The following ITGB4 variants were observed in gnomAD, a reference collection of about 807,000 sequenced individuals.
ITGB4 encodes the protein integrin beta-4.
Under a neutral mutation model 207.6 loss-of-function variants are expected in ITGB4, and 159 were observed. The ratio of observed to expected loss-of-function variants is 0.77; its 90% CI spans 0.67 to 0.87. The LOEUF is 0.87. ITGB4 is among the 40% of genes least tolerant of loss of function. The pLI, the probability that ITGB4 is intolerant of heterozygous loss-of-function variation, is 0.00. For synonymous variants in ITGB4, 1,020 were observed against 1,062.7 expected, an observed-to-expected ratio of 0.96 and a Z score of 0.78; for missense variants, 2,278 against 2,546.8, an observed-to-expected ratio of 0.89 and a Z score of 2.27.
In ITGB4 at chr17:75,740,423, CG is replaced by C; in HGVS notation, c.2515del (p.Glu839SerfsTer13). The C allele has an allele frequency of 6.2e-7, 1 of 1,613,842 alleles. No homozygotes were observed. Among genetic ancestry groups the C allele is most frequent in the South Asian group, 1.1e-5 (1 of 91,056 alleles). On this transcript the variant is annotated frameshift_variant, in exon 21 of 40. Transcript: ENST00000200181. LOFTEE classifies it high-confidence loss of function. This position sits in a 1 kb window ranked among gnomAD's most constrained non-coding sequence, Gnocchi z 5.9. ...CGAGAACCTGCTGAAGCCTGACACTCGGGAGTGCGCCCAGCTGCGCCAGGAG... is the reference window on the plus strand; with the variant it reads ...CGAGAACCTGCTGAAGCCTGACACTCGGAGTGCGCCCAGCTGCGCCAGGAG... ...CTENLLKPDT[R>X]ECAQLRQEVE...
chr17:75,757,381 C>T (rs775578641), intron 39 of ITGB4, 35 bp from the exon 40 acceptor site: 91 of 1,612,888 alleles, frequency 5.6e-5, no homozygotes, highest in Non-Finnish European at 6.8e-5. Context: ...AGGGCAGACC[C>T]CAAGCCAGGT....
Position 75,737,518 on chromosome 17 carries a change from C to T in ITGB4, c.2114-20C>T, listed in dbSNP as rs973024764. 7.1e-5 allele frequency: 110 copies of T among 1,559,018 alleles called. 3 individuals are homozygous for T. In the South Asian group the frequency reaches 9.7e-4, roughly 14 times the overall value. On this transcript the variant is annotated intron_variant, in intron 17 of 39. Transcript: ENST00000200181. ...GGTGGGGAGGACAGGCACCACCTCC[C>T]CCTGCCTCCTCCTCTCCAGACTGCC...
In ITGB4 at chr17:75,733,825, C is replaced by G; in HGVS notation, c.1657+133C>G. ...TCCCCAAGTTCAGGCCCAGCCCACTCTGGATGCCCTGAGGGCCGCCCCTGA... is the reference window on the plus strand; with the variant it reads ...TCCCCAAGTTCAGGCCCAGCCCACTGTGGATGCCCTGAGGGCCGCCCCTGA... On this transcript the variant is annotated intron_variant, in intron 13 of 39. Coordinates refer to ENST00000200181, the MANE Select transcript of ITGB4 (RefSeq NM_000213.5). 5 of 1,032,674 alleles carry G rather than the reference C, an allele frequency of 4.8e-6. No homozygotes were observed. The African/African-American group carries it at 6.3e-5, about 13-fold the overall frequency. The allele number at this position is 1,032,674 out of a possible 1,614,324, so 64.0% of individuals were successfully genotyped here.
At position 75,732,355 on chromosome 17, in the gene ITGB4, G is replaced by A. The variant is rs1174517329; in HGVS notation, c.1454+116G>A. On this transcript the variant is annotated intron_variant, in intron 12 of 39. Transcript: ENST00000200181. The surrounding 1 kb of genome is among the most constrained non-coding windows in gnomAD (Gnocchi z 5.3). ...TTGTACACCTGGCTGGGGGTGGGGC[G>A]GCAATCAAAGAAACGGCTAAGGGCG... The A allele has an allele frequency of 7.0e-6, 7 of 1,005,484 alleles. No homozygotes were observed. Among genetic ancestry groups the A allele is most frequent in the East Asian group, 2.4e-5 (1 of 40,954 alleles). The allele number at this position is 1,005,484 out of a possible 1,614,324, so 62.3% of individuals were successfully genotyped here.
At position 75,730,461 on chromosome 17, in the gene ITGB4, TC is replaced by T; in HGVS notation, c.963del (p.Ile322SerfsTer54). ...LVRLLAKHNI[I>X]PIFAVTNYSY... ...CGCCTGCTCGCCAAGCACAACATCA[TC>T]CCCATCTTTGCTGTCACCAACTACT... On this transcript the variant is annotated frameshift_variant, in exon 8 of 40. Coordinates refer to ENST00000200181, the MANE Select transcript of ITGB4 (RefSeq NM_000213.5). LOFTEE classifies it high-confidence loss of function. The T allele has an allele frequency of 6.2e-7, 1 of 1,613,892 alleles. No homozygotes were observed. Among genetic ancestry groups the T allele is most frequent in the Non-Finnish European group, 8.5e-7 (1 of 1,180,010 alleles).
intron 39 of ITGB4, 32 bp from the exon 40 acceptor site, chr17:75,757,384 A>G: frequency 1.9e-6 from 3 of 1,612,996 alleles, no homozygotes; most frequent in Non-Finnish European, 2.5e-6. Context: ...GCAGACCCCA[A>G]GCCAGGTCAT....
intron 23 of ITGB4, among the ~76,000 whole-genome samples, chr17:75,741,563 T>C (rs1253857734): frequency 6.6e-6 from 1 of 152,064 alleles, no homozygotes. Flanking sequence ...CCCAGCACTT[T>C]GGGAGGCTGA....
chr17:75,729,195 G>C lies in ITGB4; in HGVS notation c.567-70G>C. ...AAAAAATTCTCCTTCTAGTTGAAAC[G>C]AGCCAGGGGCACTGGGGTCTGCGGC... On this transcript the variant is annotated intron_variant, in intron 6 of 39. Transcript: ENST00000200181. The surrounding 1 kb of genome is among the most constrained non-coding windows in gnomAD (Gnocchi z 4.4). 1 of 1,402,058 alleles carries C rather than the reference G, an allele frequency of 7.1e-7. No homozygotes were observed. The highest frequency in any genetic ancestry group is 9.9e-7 in the Non-Finnish European group (1 of 1,014,872). The allele number at this position is 1,402,058 out of a possible 1,614,324, so 86.9% of individuals were successfully genotyped here.
rs1244895385 is a variant in ITGB4, at chr17:75,727,213, C to T, written c.98C>T (p.Ala33Val). ...CCCCCAGCAAACCGCTGCAAGAAGGCCCCAGTGAAGAGCTGCACGGAGTGT... is the reference window on the plus strand; with the variant it reads ...CCCCCAGCAAACCGCTGCAAGAAGGTCCCAGTGAAGAGCTGCACGGAGTGT... ...SGTLANRCKK[A>V]PVKSCTECVR... The change falls in exon 3 of 40, where the codon GCC (alanine) becomes GTC (valine). Residue 33 changes from alanine (A) to valine (V), a missense_variant. By Grantham distance (64) the Ala-to-Val change is moderately conservative. Transcript: ENST00000200181. The surrounding 1 kb of genome is among the most constrained non-coding windows in gnomAD (Gnocchi z 6.0). 4 of 1,614,050 alleles carry T rather than the reference C, an allele frequency of 2.5e-6. No individual in the cohort carries two copies. Among genetic ancestry groups the T allele is most frequent in the Non-Finnish European group, 3.4e-6 (4 of 1,179,970 alleles).
intron 23 of ITGB4, chr17:75,741,212 G>A: frequency 1.5e-6 from 1 of 668,102 alleles, no homozygotes; most frequent in Admixed American, 2.2e-5. Context: ...GTGGCCCCTG[G>A]ACTAGAGCAG....
rs1027627199 is a variant in ITGB4 at position 75,743,936 on chromosome 17, G to T, written c.3111+75G>T. On this transcript the variant is annotated intron_variant, in intron 26 of 39. Transcript: ENST00000200181. Reference sequence around the variant, plus strand: ...CACCGCATTGGGTTCCCAAGACAAAGCAGCACATGGCAGCTGCTTGAGTCC... The same window carrying T: ...CACCGCATTGGGTTCCCAAGACAAATCAGCACATGGCAGCTGCTTGAGTCC... 2.2e-5 allele frequency: 32 copies of T among 1,449,484 alleles called. No homozygotes were observed. The African/African-American group carries it at 4.2e-4, about 19-fold the overall frequency. The allele number at this position is 1,449,484 out of a possible 1,614,324, so 89.8% of individuals were successfully genotyped here.
intron 32 of ITGB4, among the ~76,000 whole-genome samples, chr17:75,753,325 A>C (rs2061411068): frequency 6.6e-6 from 1 of 152,164 alleles, no homozygotes; most frequent in Non-Finnish European, 1.5e-5. Flanking sequence ...ACCCCAGCTC[A>C]GCTGCTTCTA....
rs761289942 is a variant in ITGB4, at chr17:75,753,823, G to T, written c.4167G>T (p.Thr1389=). ...LGEELDLRRV[T]WRLPPELIPR... The stretch of plus-strand genomic sequence containing the variant: ...AGGAGCTGGACCTGCGGCGCGTCAC[G>T]TGGCGGCTGCCCCCGGAGCTCATCC... The change falls in exon 33 of 40, where the codon ACG becomes ACT. Residue 1389 remains threonine (T), a synonymous_variant. Coordinates refer to ENST00000200181, the MANE Select transcript of ITGB4 (RefSeq NM_000213.5). 1.4e-6 allele frequency: 2 copies of T among 1,462,066 alleles called. No individual in the cohort carries two copies. The highest frequency in any genetic ancestry group is 1.8e-6 in the Non-Finnish European group (2 of 1,108,102). The allele number at this position is 1,462,066 out of a possible 1,614,324, so 90.6% of individuals were successfully genotyped here.
intron 26 of ITGB4, 30 bp from the exon 27 acceptor site, chr17:75,748,811 G>A (rs1197095656): frequency 1.3e-6 from 2 of 1,559,252 alleles, no homozygotes; most frequent in Admixed American, 1.8e-5. Context: ...CCCCAGCCAT[G>A]ACCCTGACCC....
chr17:75,752,239 A>C lies in ITGB4; in HGVS notation c.3859A>C (p.Asn1287His). ...TAAGAACCGGATGCTGCTTATTGAG[A>C]ACCTTCGGGAGTCCCAGCCCTACCG... is the stretch of plus-strand genomic sequence containing the variant. The part of the protein sequence containing the change: ...NPKNRMLLIE[N>H]LRESQPYRYT... Residue 1287 changes from asparagine to histidine, a missense_variant, in exon 31 of 40, where the codon AAC becomes CAC. Transcript: ENST00000200181. 2 of 1,613,764 alleles carry C rather than the reference A, an allele frequency of 1.2e-6. No homozygotes were observed. Among genetic ancestry groups the C allele is most frequent in the Non-Finnish European group, 1.7e-6 (2 of 1,180,030 alleles).
At chr17:75,728,525 C>T in intron 6 of ITGB4, 52 bp downstream of exon 6, 2 of 1,360,754 alleles carry the variant, frequency 1.5e-6, no homozygotes, top group East Asian at 2.3e-5. Context: ...GCCATGTGAC[C>T]CCCACTCCTC....
chr17:75,753,793 G>A lies in ITGB4; in HGVS notation c.4137G>A (p.Leu1379=), dbSNP rs747930115. ...TGCGWKFEPL[L]GEELDLRRVT... ...GCGGCTGGAAGTTCGAGCCCCTGCT[G>A]GGGGAGGAGCTGGACCTGCGGCGCG... Residue 1379 remains leucine (L), a synonymous_variant, in exon 33 of 40, where the codon CTG becomes CTA. Coordinates refer to ENST00000200181, the MANE Select transcript of ITGB4 (RefSeq NM_000213.5). 3 of 1,459,708 alleles carry A rather than the reference G, an allele frequency of 2.1e-6. No individual in the cohort carries two copies. Among genetic ancestry groups the A allele is most frequent in the East Asian group, 2.7e-5 (1 of 36,412 alleles). 90.4% of individuals were successfully genotyped at this position (1,459,708 alleles called of 1,614,324 possible).
In ITGB4 at chr17:75,729,230, C is replaced by T. The variant is rs1568345985; in HGVS notation, c.567-35C>T. On this transcript the variant is annotated intron_variant, in intron 6 of 39. Coordinates refer to ENST00000200181, the MANE Select transcript of ITGB4 (RefSeq NM_000213.5). The surrounding 1 kb of genome is among the most constrained non-coding windows in gnomAD (Gnocchi z 4.4). ...CACTGGGGTCTGCGGCGTCTTCCCC[C>T]TGTGACACTCTCTCTCCCTCCCACC... 1 of 1,608,338 alleles carries T rather than the reference C, an allele frequency of 6.2e-7. No homozygotes were observed. Among genetic ancestry groups the T allele is most frequent in the South Asian group, 1.1e-5 (1 of 90,950 alleles).
chr17:75,754,569 C>G lies in ITGB4; in HGVS notation c.4319-7C>G, dbSNP rs376011638. 1.7e-4 allele frequency: 270 copies of G among 1,613,404 alleles called. 1 individual carries two copies. Among genetic ancestry groups the G allele is most frequent in the Non-Finnish European group, 2.1e-4 (242 of 1,179,972 alleles). On this transcript the variant is annotated splice_region_variant and splice_polypyrimidine_tract_variant and intron_variant, in intron 33 of 39. Coordinates refer to ENST00000200181, the MANE Select transcript of ITGB4 (RefSeq NM_000213.5). Reference sequence around the variant, plus strand: ...CCTGACCAAGGGACCCTGCTCTCCCCCTGCAGAGCACCTGGTGAATGGCCG... The same window carrying G: ...CCTGACCAAGGGACCCTGCTCTCCCGCTGCAGAGCACCTGGTGAATGGCCG...
Sources: allele counts gnomAD v4.1 joint callset (sites outside exome capture counted in the v4.1 genomes callset), GRCh38; gene constraint gnomAD v4.1.1; non-coding constraint Gnocchi (gnomAD v3.1); transcripts MANE v1.5; gene names NCBI Gene and HGNC (gene_info 2026-07-23, HGNC 2026-07-21).